The following GLCCI1 variants were observed in gnomAD, a reference collection of about 807,000 sequenced individuals.
GLCCI1 encodes the protein glucocorticoid-induced transcript 1 protein.
In GLCCI1, 24 loss-of-function variants were observed where a neutral mutation model predicts 52.2. The ratio of observed to expected loss-of-function variants is 0.46; its 90% CI spans 0.33 to 0.65. GLCCI1 has a LOEUF of 0.65. Among genes scored for constraint, GLCCI1 ranks in the 30% least tolerant of loss-of-function variants. GLCCI1 has a pLI of 0.02. For synonymous variants in GLCCI1, 310 were observed against 276.5 expected, an observed-to-expected ratio of 1.12 and a Z score of -1.20; for missense variants, 704 against 701.5, an observed-to-expected ratio of 1.00 and a Z score of -0.04.
intron 3 of GLCCI1, among the ~76,000 whole-genome samples, chr7:8,052,473 A>T (rs1251793516): frequency 6.6e-6 from 1 of 152,192 alleles, no homozygotes; most frequent in Non-Finnish European, 1.5e-5. Context: ...GATGTCTCAC[A>T]CCCAGGATAT....
At chr7:8,047,601 A>G (rs1482072545) in intron 3 of GLCCI1, among the ~76,000 whole-genome samples, 1 of 152,236 alleles carries the variant, frequency 6.6e-6, no homozygotes, top group Admixed American at 6.5e-5. Context: ...GTGCATTAAC[A>G]TCAAATGAGT....
chr7:8,002,405 A>G (rs1007846477), intron 1 of GLCCI1, among the ~76,000 whole-genome samples: 8 of 152,188 alleles, frequency 5.3e-5, no homozygotes, highest in South Asian at 2.1e-4. Context: ...GGTAATTCCA[A>G]TGAGTAGAAA....
At position 7,969,734 on chromosome 7, in the gene GLCCI1, G is replaced by C; in HGVS notation, c.384G>C (p.Pro128=). 2.1e-6 allele frequency: 3 copies of C among 1,446,330 alleles called. No homozygotes were observed. Among genetic ancestry groups the C allele is most frequent in the East Asian group, 3.2e-5 (1 of 31,714 alleles). 89.6% of individuals were successfully genotyped at this position (1,446,330 alleles called of 1,614,324 possible). ...AGGCGCCGCGGGCCAAGGGCCGCCC[G>C]AGACGGTCCCCAGAGAGCCACCGGA... The part of the protein sequence containing the change: ...AEQAPRAKGR[P]RRSPESHRRS... Residue 128 remains proline (P), a synonymous_variant, in exon 1 of 8, where the codon CCG becomes CCC. Transcript: ENST00000223145. The surrounding 1 kb of genome is among the most constrained non-coding windows in gnomAD (Gnocchi z 4.9).
At chr7:8,047,196 A>G (rs1782150738) in intron 3 of GLCCI1, among the ~76,000 whole-genome samples, 1 of 152,228 alleles carries the variant, frequency 6.6e-6, no homozygotes, top group South Asian at 2.1e-4. Flanking sequence ...TGTTAAGGAA[A>G]TGAATCCAAG....
intron 4 of GLCCI1, among the ~76,000 whole-genome samples, chr7:8,056,571 G>A (rs1234980415): frequency 6.6e-6 from 1 of 152,092 alleles, no homozygotes; most frequent in African/African-American, 2.4e-5. Flanking sequence ...TAGTGTAACA[G>A]AAGAAACCCA....
intron 3 of GLCCI1, among the ~76,000 whole-genome samples, chr7:8,030,821 A>G (rs1183340693): frequency 6.6e-6 from 1 of 152,164 alleles, no homozygotes; most frequent in Non-Finnish European, 1.5e-5. Flanking sequence ...AATGCAGATC[A>G]AAACTGCAAT....
chr7:8,058,453 GAA>G (rs1782448606), intron 4 of GLCCI1, among the ~76,000 whole-genome samples: 1 of 152,032 alleles, frequency 6.6e-6, no homozygotes, highest in Admixed American at 6.6e-5. Context: ...AAGAAAATTT[GAA>G]AAGACTTTTC....
chr7:7,989,225 T>C (rs1039686877), intron 1 of GLCCI1, among the ~76,000 whole-genome samples: 49 of 152,252 alleles, frequency 3.2e-4, no homozygotes, highest in African/African-American at 1.2e-3. Flanking sequence ...CTTTAGAGTT[T>C]GAAGAAGGTA....
intron 3 of GLCCI1, among the ~76,000 whole-genome samples, chr7:8,023,588 C>CATTTTTTTTTTTTTT (rs1781543370): frequency 4.8e-5 from 2 of 41,984 alleles, no homozygotes; most frequent in African/African-American, 2.0e-4. Context: ...CTCTGTTATT[C>CATTTTTTTTTTTTTT]TTTTTTTTTT....
intron 3 of GLCCI1, among the ~76,000 whole-genome samples, chr7:8,030,834 G>A (rs933300833): frequency 6.6e-6 from 1 of 152,074 alleles, no homozygotes; most frequent in Non-Finnish European, 1.5e-5. Context: ...ACTGCAATGA[G>A]GTATCATCTC....
intron 3 of GLCCI1, among the ~76,000 whole-genome samples, chr7:8,026,771 C>G (rs1302963869): frequency 6.6e-6 from 1 of 152,200 alleles, no homozygotes; most frequent in African/African-American, 2.4e-5. Context: ...TTCCAGCAGT[C>G]AGAACTTTTT....
intron 3 of GLCCI1, among the ~76,000 whole-genome samples, chr7:8,030,374 T>C (rs982626960): frequency 1.3e-5 from 2 of 152,072 alleles, no homozygotes; most frequent in Non-Finnish European, 2.9e-5. Context: ...TTTCACCTTA[T>C]ACAAAAATAA....
At chr7:8,028,183 A>T (rs1043087219) in intron 3 of GLCCI1, among the ~76,000 whole-genome samples, 6 of 152,232 alleles carry the variant, frequency 3.9e-5, no homozygotes, top group African/African-American at 1.4e-4. Context: ...CACATGGATC[A>T]TTCTCAAAGA....
At chr7:7,985,758 C>T (rs1780714026) in intron 1 of GLCCI1, among the ~76,000 whole-genome samples, 1 of 152,144 alleles carries the variant, frequency 6.6e-6, no homozygotes, top group African/African-American at 2.4e-5. Flanking sequence ...GATATAAATC[C>T]TTTCTTCTGA....
At chr7:7,988,354 G>T (rs945255779) in intron 1 of GLCCI1, among the ~76,000 whole-genome samples, 6 of 152,130 alleles carry the variant, frequency 3.9e-5, no homozygotes, top group Non-Finnish European at 5.9e-5. Context: ...TATCATCAGT[G>T]TGAAATTACA....
intron 6 of GLCCI1, among the ~76,000 whole-genome samples, chr7:8,076,621 TA>T: frequency 6.6e-6 from 1 of 152,244 alleles, no homozygotes; most frequent in East Asian, 1.9e-4. Flanking sequence ...AATTCAAAAC[TA>T]CTTAAATATA....
At chr7:7,995,807 G>A (rs1477061592) in intron 1 of GLCCI1, among the ~76,000 whole-genome samples, 1 of 151,984 alleles carries the variant, frequency 6.6e-6, no homozygotes, top group Admixed American at 6.6e-5. Context: ...TGTAAATGAC[G>A]AGTTAATGGG....
intron 1 of GLCCI1, among the ~76,000 whole-genome samples, chr7:7,989,755 C>A (rs1780803222): frequency 6.6e-6 from 1 of 152,056 alleles, no homozygotes; most frequent in Non-Finnish European, 1.5e-5. Flanking sequence ...ACATTCTTGC[C>A]TTTTAGGAAC....
At chr7:7,978,359 A>C (rs1262944341) in intron 1 of GLCCI1, among the ~76,000 whole-genome samples, 1 of 152,224 alleles carries the variant, frequency 6.6e-6, no homozygotes, top group Non-Finnish European at 1.5e-5. Context: ...TATTTTAGCA[A>C]CATTTAACAT....
Sources: gnomAD v4.1 joint callset for allele counts (sites outside exome capture counted in the v4.1 genomes callset) on GRCh38, gnomAD v4.1.1 for gene constraint, Gnocchi (gnomAD v3.1) non-coding constraint, MANE v1.5 for transcripts, NCBI Gene and HGNC (gene_info 2026-07-23, HGNC 2026-07-21) for gene names.